The following SLC41A1 variants were observed in gnomAD, a reference collection of about 807,000 sequenced individuals.
SLC41A1 encodes the protein solute carrier family 41 member 1, also known as solute carrier family 41 (magnesium transporter), member 1.
SLC41A1 carries 20 observed loss-of-function variants against 47.3 expected under a neutral mutation model. The observed-to-expected ratio is 0.42, with a 90% confidence interval of 0.30 to 0.61. The LOEUF (loss-of-function observed/expected upper bound fraction) is 0.61, where lower values mean the gene tolerates loss of function less well. SLC41A1 is among the 20% of genes least tolerant of loss of function. The pLI is 0.17. For synonymous variants in SLC41A1, 282 were observed against 272.7 expected (o/e 1.03, Z -0.34); for missense variants, 504 against 674.1 (o/e 0.75, Z 2.79).
chr1:205,802,471 C>CTTT, intron 2 of SLC41A1, among the ~76,000 whole-genome samples: 1 of 152,144 alleles, frequency 6.6e-6, no homozygotes, highest in Non-Finnish European at 1.5e-5. Context: ...AATCCCAGCA[C>CTTT]TTTGGGAGGC....
At position 205,810,852 on chromosome 1, in the gene SLC41A1, TA is replaced by T. The variant is rs1170686487; in HGVS notation, c.-412del. The T allele has an allele frequency of 1.8e-5, 4 of 224,806 alleles. No individual in the cohort carries two copies. The highest frequency in any genetic ancestry group is 3.6e-5 in the Non-Finnish European group (4 of 111,620). The allele number at this position is 224,806 out of a possible 1,614,324, so 13.9% of individuals were successfully genotyped here. ...GCCCTCTGAAGTGGCCCCTCTTCCG[TA>T]AAAAGCAGCTTGAGTTCAAATCTTT... On this transcript the variant is annotated 5_prime_UTR_variant, in exon 2 of 11. Coordinates refer to ENST00000367137, the MANE Select transcript of SLC41A1 (RefSeq NM_173854.6). The surrounding 1 kb of genome is among the most constrained non-coding windows in gnomAD (Gnocchi z 5.5).
chr1:205,802,571 G>C (rs1429556703), intron 2 of SLC41A1, among the ~76,000 whole-genome samples: 1 of 151,744 alleles, frequency 6.6e-6, no homozygotes, highest in South Asian at 2.1e-4. Flanking sequence ...ACAAAAATTA[G>C]CTGGTCGTGG....
intron 4 of SLC41A1, among the ~76,000 whole-genome samples, 179 bp downstream of exon 4, chr1:205,799,577 CCCT>C (rs2102504707): frequency 6.6e-6 from 1 of 152,196 alleles, no homozygotes; most frequent in African/African-American, 2.4e-5. Flanking sequence ...TGATGCTGGG[CCCT>C]CCTCATCTTG....
chr1:205,795,193 T>A, intron 9 of SLC41A1, 151 bp downstream of exon 9: 3 of 1,440,066 alleles, frequency 2.1e-6, no homozygotes, highest in African/African-American at 1.4e-5. Context: ...AAGACAGCCC[T>A]CCTGCCTGGG....
At chr1:205,801,093 G>A (rs202132168) in intron 2 of SLC41A1, 33 bp from the exon 3 acceptor site, 295 of 1,572,660 alleles carry the variant, frequency 1.9e-4, no homozygotes, top group Non-Finnish European at 2.5e-4. Flanking sequence ...AGGAATTTCA[G>A]TGCCCCAAAG....
In SLC41A1 at chr1:205,801,180, G is replaced by A. The variant is rs992261760; in HGVS notation, c.373-120C>T. 9.1e-6 allele frequency: 7 copies of A among 765,196 alleles called. No individual in the cohort carries two copies. The East Asian group carries it at 1.3e-4, about 15-fold the overall frequency. The allele number at this position is 765,196 out of a possible 1,614,324, so 47.4% of individuals were successfully genotyped here. On this transcript the variant is annotated intron_variant, in intron 2 of 10. Coordinates refer to ENST00000367137, the MANE Select transcript of SLC41A1 (RefSeq NM_173854.6). ...AATAGAATCAGCAGGGAGTGAGCACGCCAGCCACCTTTCCTCCAAGAACCT... is the reference window on the plus strand; with the variant it reads ...AATAGAATCAGCAGGGAGTGAGCACACCAGCCACCTTTCCTCCAAGAACCT...
In SLC41A1 at chr1:205,791,784, G is replaced by A. The variant is rs1655634523; in HGVS notation, c.1357-66C>T. The A allele has an allele frequency of 6.3e-7, 1 of 1,581,604 alleles. No homozygotes were observed. The highest frequency in any genetic ancestry group is 1.8e-5 in the Admixed American group (1 of 57,116). ...CTCCAGGGGGAGCCAGAGGCCACATGATCAGACCCATTCAGTGCATCACAG... is the reference window on the plus strand; with the variant it reads ...CTCCAGGGGGAGCCAGAGGCCACATAATCAGACCCATTCAGTGCATCACAG... On this transcript the variant is annotated intron_variant, in intron 10 of 10. Coordinates refer to ENST00000367137, the MANE Select transcript of SLC41A1 (RefSeq NM_173854.6). The surrounding 1 kb of genome is among the most constrained non-coding windows in gnomAD (Gnocchi z 4.0).
intron 2 of SLC41A1, 163 bp from the exon 3 acceptor site, chr1:205,801,223 C>G: frequency 1.6e-6 from 1 of 626,692 alleles, no homozygotes; most frequent in Non-Finnish European, 2.9e-6. Context: ...AAACCAAGCC[C>G]ATGATTCTTC....
Position 205,791,524 on chromosome 1 carries a change from G to GT in SLC41A1, c.*8dup, listed in dbSNP as rs1488406396. The GT allele has an allele frequency of 1.2e-6, 2 of 1,613,982 alleles. No individual in the cohort carries two copies. Among genetic ancestry groups the GT allele is most frequent in the Non-Finnish European group, 1.7e-6 (2 of 1,180,020 alleles). On this transcript the variant is annotated 3_prime_UTR_variant, in exon 11 of 11. Transcript: ENST00000367137. This position sits in a 1 kb window ranked among gnomAD's most constrained non-coding sequence, Gnocchi z 4.0. ...TGCAGAGGGATGGGGAAAATGTTGA[G>GT]TGACCAAGCTAGTCCCCGACATCCG... is the stretch of plus-strand genomic sequence containing the variant.
In SLC41A1 at chr1:205,800,935, C is replaced by T. The variant is rs1238282256; in HGVS notation, c.480+18G>A. The T allele has an allele frequency of 6.2e-7, 1 of 1,611,400 alleles. No homozygotes were observed. ...AGAGTCCTCTCTGTGCCCCACTCCT[C>T]CCAGCCAGGATACTCACTGCAGTGG... On this transcript the variant is annotated intron_variant, in intron 3 of 10. Coordinates refer to ENST00000367137, the MANE Select transcript of SLC41A1 (RefSeq NM_173854.6).
chr1:205,792,229 A>C (rs1394558894), intron 10 of SLC41A1, among the ~76,000 whole-genome samples: 1 of 152,190 alleles, frequency 6.6e-6, no homozygotes, highest in African/African-American at 2.4e-5. Flanking sequence ...TGTCTTAAGT[A>C]ACAGATGATC....
intron 7 of SLC41A1, among the ~76,000 whole-genome samples, 176 bp downstream of exon 7, chr1:205,797,728 T>C (rs1655781573): frequency 1.3e-5 from 2 of 152,214 alleles, no homozygotes; most frequent in Admixed American, 6.5e-5. Context: ...CATTCTGCCT[T>C]GGAATGAAAC....
At chr1:205,807,400 A>G (rs1480490345) in intron 2 of SLC41A1, among the ~76,000 whole-genome samples, 1 of 152,046 alleles carries the variant, frequency 6.6e-6, no homozygotes, top group Non-Finnish European at 1.5e-5. Context: ...AGCAGCTCCA[A>G]AGGTTCCCTA....
chr1:205,808,262 C>CG (rs1277685589), intron 2 of SLC41A1, among the ~76,000 whole-genome samples: 1 of 152,320 alleles, frequency 6.6e-6, no homozygotes, highest in African/African-American at 2.4e-5. Flanking sequence ...GGCCCCCTCT[C>CG]CGAGTTTTTA....
In SLC41A1 at chr1:205,797,974, G is replaced by A. The variant is rs1655787430; in HGVS notation, c.922C>T (p.Arg308Ter). 3 of 1,614,116 alleles carry A rather than the reference G, an allele frequency of 1.9e-6. No individual in the cohort carries two copies. Among genetic ancestry groups the A allele is most frequent in the Non-Finnish European group, 2.5e-6 (3 of 1,180,032 alleles). The change falls in exon 7 of 11, where the codon CGA (arginine) becomes TGA (stop). Residue 308 changes from arginine to a stop codon, truncating the protein, a stop_gained. Transcript: ENST00000367137. LOFTEE classifies it high-confidence loss of function. ...LLPVWVVLAR[R>*]SPATREVLYS... is the part of the protein sequence containing the mutation. Reference sequence around the variant, plus strand: ...AACACCTCCCTTGTGGCTGGACTTCGTCGGGCCAGCACCACCCAGACAGGC... The same window carrying A: ...AACACCTCCCTTGTGGCTGGACTTCATCGGGCCAGCACCACCCAGACAGGC...
intron 5 of SLC41A1, 66 bp from the exon 6 acceptor site, chr1:205,798,881 AAG>A (rs1341077669): frequency 2.5e-6 from 4 of 1,613,960 alleles, no homozygotes; most frequent in Admixed American, 1.7e-5. Flanking sequence ...AACAAACAAA[AAG>A]AGAGAGTGGA....
intron 2 of SLC41A1, among the ~76,000 whole-genome samples, chr1:205,809,551 A>G (rs1244229805): frequency 6.6e-6 from 1 of 152,228 alleles, no homozygotes; most frequent in Admixed American, 6.5e-5. Flanking sequence ...TTACAGGAAG[A>G]TAAGCAACAC....
chr1:205,812,773 A>AC, intron 1 of SLC41A1, 35 bp downstream of exon 1: 1 of 956,942 alleles, frequency 1.0e-6, no homozygotes, highest in Non-Finnish European at 1.2e-6. Context: ...GCCCTCCACC[A>AC]CCCCCTCCCC....
At position 205,810,622 on chromosome 1, in the gene SLC41A1, C is replaced by T. The variant is rs901857050; in HGVS notation, c.-181G>A. ...AAAAACTGATCCACCAACAGGCAGC[C>T]CCATCAAGCACTGAAGCCGCAAGCT... On this transcript the variant is annotated 5_prime_UTR_variant, in exon 2 of 11. Coordinates refer to ENST00000367137, the MANE Select transcript of SLC41A1 (RefSeq NM_173854.6). This position sits in a 1 kb window ranked among gnomAD's most constrained non-coding sequence, Gnocchi z 5.5. The T allele has an allele frequency of 4.6e-6, 4 of 878,352 alleles. 1 individual carries two copies. The highest frequency in any genetic ancestry group is 6.9e-6 in the Non-Finnish European group (4 of 577,076). The allele number at this position is 878,352 out of a possible 1,614,324, so 54.4% of individuals were successfully genotyped here.
Sources: allele counts gnomAD v4.1 joint callset (sites outside exome capture counted in the v4.1 genomes callset), GRCh38; gene constraint gnomAD v4.1.1; non-coding constraint Gnocchi (gnomAD v3.1); transcripts MANE v1.5; gene names NCBI Gene and HGNC (gene_info 2026-07-23, HGNC 2026-07-21).